SLC27A1: variants seen among roughly 807,000 people sequenced by gnomAD.
SLC27A1 encodes solute carrier family 27 member 1, also known as long-chain fatty acid transport protein 1.
A neutral mutation model predicts 62.2 loss-of-function variants in SLC27A1; 61 were observed. The ratio of observed to expected loss-of-function variants is 0.98; its 90% CI spans 0.80 to 1.21. The LOEUF (loss-of-function observed/expected upper bound fraction) is 1.21. SLC27A1 is among the 50% of genes most tolerant of loss of function. SLC27A1 has a pLI of 0.00. For synonymous variants in SLC27A1, 435 were observed against 408.6 expected (o/e 1.06, Z -0.78); for missense variants, 903 against 932.1 (o/e 0.97, Z 0.41).
At position 17,487,348 on chromosome 19, in the gene SLC27A1, TG is replaced by T. The variant is rs1475250616; in HGVS notation, c.724+16del. 2.5e-6 allele frequency: 4 copies of T among 1,599,664 alleles called. No individual in the cohort carries two copies. The highest frequency in any genetic ancestry group is 3.4e-6 in the Non-Finnish European group (4 of 1,174,264). ...AAGGGCATGGACGGTGAGTCAAGGG[TG>T]GGACCCCTGCTCTATCAACTGGTTT... On this transcript the variant is annotated intron_variant, in intron 3 of 11. Transcript: ENST00000252595.
intron 1 of SLC27A1, among the ~76,000 whole-genome samples, chr19:17,475,919 G>A (rs2075117579): frequency 6.6e-6 from 1 of 152,176 alleles, no homozygotes; most frequent in South Asian, 2.1e-4. Flanking sequence ...CCAAGTACAG[G>A]AATCCACTGC....
chr19:17,480,413 C>T (rs997621778), intron 1 of SLC27A1, among the ~76,000 whole-genome samples: 1 of 151,846 alleles, frequency 6.6e-6, no homozygotes, highest in African/African-American at 2.4e-5. Context: ...CTCTGTCACC[C>T]AGGCTCAATT....
intron 4 of SLC27A1, among the ~76,000 whole-genome samples, chr19:17,487,785 C>T (rs115112111): frequency 2.4e-3 from 359 of 152,258 alleles, no homozygotes; most frequent in African/African-American, 8.4e-3. Flanking sequence ...TCTTGGGACC[C>T]GGTTGCCCTG....
intron 1 of SLC27A1, among the ~76,000 whole-genome samples, chr19:17,476,892 T>TG (rs1459483219): frequency 1.3e-5 from 2 of 149,450 alleles, no homozygotes; most frequent in Admixed American, 6.7e-5. Flanking sequence ...TGTTTTTTTT[T>TG]TTTTTTTTTT....
chr19:17,487,857 A>C, intron 4 of SLC27A1, among the ~76,000 whole-genome samples: 1 of 150,104 alleles, frequency 6.7e-6, no homozygotes, highest in South Asian at 2.1e-4. Context: ...TCCCACCAGC[A>C]AAACCCGTCC....
intron 1 of SLC27A1, among the ~76,000 whole-genome samples, chr19:17,477,236 A>C (rs2075131790): frequency 3.2e-5 from 2 of 62,020 alleles, no homozygotes; most frequent in African/African-American, 5.9e-5. Context: ...ATGGATGAGC[A>C]GCGCTTTTTT....
In SLC27A1 at chr19:17,486,528, A is replaced by C. The variant is rs754931635; in HGVS notation, c.168-35A>C. Reference sequence around the variant, plus strand: ...TCCCAGAGGCCAGGCGGGGCAGGGCACCAGTGACGCTGTCCCCTCCGTCCT... The same window carrying C: ...TCCCAGAGGCCAGGCGGGGCAGGGCCCCAGTGACGCTGTCCCCTCCGTCCT... On this transcript the variant is annotated intron_variant, in intron 1 of 11. Coordinates refer to ENST00000252595, the MANE Select transcript of SLC27A1 (RefSeq NM_198580.3). The surrounding 1 kb of genome is among the most constrained non-coding windows in gnomAD (Gnocchi z 6.6). 589 of 1,534,188 alleles carry C rather than the reference A, an allele frequency of 3.8e-4. 1 individual carries two copies. Among genetic ancestry groups the C allele is most frequent in the Non-Finnish European group, 4.7e-4 (544 of 1,145,866 alleles).
In SLC27A1 at chr19:17,470,525, T is replaced by G. The variant is rs2075063808; in HGVS notation, c.-16T>G. 6.5e-7 allele frequency: 1 copy of G among 1,535,736 alleles called. No homozygotes were observed. The highest frequency in any genetic ancestry group is 1.4e-5 in the African/African-American group (1 of 69,968). On this transcript the variant is annotated 5_prime_UTR_variant, in exon 1 of 12. Transcript: ENST00000252595. ...CTGGAGCGGCCCGCGGCCTCAGCTC[T>G]CTCTGCTTCCCCAGGATGCGGGCTC...
chr19:17,498,533 C>G (rs8109369), intron 7 of SLC27A1: 1 of 160,192 alleles, frequency 6.2e-6, no homozygotes, highest in African/African-American at 2.4e-5. Flanking sequence ...AGGCCAGGCA[C>G]GGTGGCTCAC....
At chr19:17,490,180 C>G (rs2075280847) in intron 6 of SLC27A1, 1 of 152,130 alleles carries the variant, frequency 6.6e-6, no homozygotes, top group South Asian at 2.1e-4. Flanking sequence ...GAGACAGGAT[C>G]TCACTCTGTT....
At chr19:17,485,349 C>T (rs1050004654) in intron 1 of SLC27A1, among the ~76,000 whole-genome samples, 9 of 151,776 alleles carry the variant, frequency 5.9e-5, no homozygotes, top group Admixed American at 5.2e-4. Context: ...ACCATCACGC[C>T]TGGCTAATTT....
intron 11 of SLC27A1, 41 bp from the exon 12 acceptor site, chr19:17,504,413 GC>G: frequency 6.2e-7 from 1 of 1,612,514 alleles, no homozygotes; most frequent in East Asian, 2.2e-5. Flanking sequence ...CCTCCCAGAA[GC>G]CACCTGCTCA....
chr19:17,483,108 G>GGGAAGGAGGGAATGAATGAATGAA (rs1568413409), intron 1 of SLC27A1, among the ~76,000 whole-genome samples: 4 of 151,894 alleles, frequency 2.6e-5, no homozygotes, highest in Non-Finnish European at 5.9e-5. Context: ...GAATGAATGA[G>GGGAAGGAGGGAATGAATGAATGAA]GGAATGAGGG....
Position 17,501,373 on chromosome 19 carries a change from T to G in SLC27A1, c.1737T>G (p.Tyr579Ter). The change falls in exon 11 of 12, where the codon TAT (tyrosine) becomes TAG (stop). Residue 579 changes from tyrosine (Y) to a stop codon, truncating the protein, a stop_gained. Coordinates refer to ENST00000252595, the MANE Select transcript of SLC27A1 (RefSeq NM_198580.3). LOFTEE classifies it low-confidence loss of function (END_TRUNC). ...AGCTGCAGAAGGTGCTGGCACCCTA[T>G]GCCCGGCCCATCTTCCTGCGCCTCC... is the stretch of plus-strand genomic sequence containing the variant. ...YQELQKVLAP[Y>*]ARPIFLRLLP... is the part of the protein sequence containing the mutation. The G allele has an allele frequency of 6.2e-7, 1 of 1,613,914 alleles. No individual in the cohort carries two copies. Among genetic ancestry groups the G allele is most frequent in the Non-Finnish European group, 8.5e-7 (1 of 1,179,948 alleles).
chr19:17,499,954 GGTGAAGCTCTGCA>G (rs1420730412), intron 7 of SLC27A1: 5 of 317,638 alleles, frequency 1.6e-5, no homozygotes, highest in Non-Finnish European at 2.9e-5. Context: ...GCGGGCAGCA[GGTGAAGCTCTGCA>G]GTGTCTGACG....
chr19:17,480,474 G>A (rs1353012169), intron 1 of SLC27A1, among the ~76,000 whole-genome samples: 1 of 149,710 alleles, frequency 6.7e-6, no homozygotes, highest in South Asian at 2.1e-4. Context: ...AGGCCCAAGC[G>A]ATCCTCCTGT....
chr19:17,480,462 C>G (rs1003569908), intron 1 of SLC27A1, among the ~76,000 whole-genome samples: 2 of 151,614 alleles, frequency 1.3e-5, no homozygotes, highest in South Asian at 2.1e-4. Context: ...CCCTGACCTC[C>G]TAGGCCCAAG....
At chr19:17,476,800 G>A (rs927283360) in intron 1 of SLC27A1, among the ~76,000 whole-genome samples, 31 of 151,916 alleles carry the variant, frequency 2.0e-4, no homozygotes, top group African/African-American at 6.5e-4. Flanking sequence ...GGATCTGAGG[G>A]ACCTATTTTG....
intron 4 of SLC27A1, among the ~76,000 whole-genome samples, chr19:17,488,274 G>A (rs1222895061): frequency 1.3e-5 from 2 of 152,192 alleles, no homozygotes; most frequent in African/African-American, 2.4e-5. Flanking sequence ...CAGGAGAATC[G>A]CTTGAACCCA....
Sources: gnomAD v4.1 joint callset for allele counts (sites outside exome capture counted in the v4.1 genomes callset) on GRCh38, gnomAD v4.1.1 for gene constraint, Gnocchi (gnomAD v3.1) non-coding constraint, MANE v1.5 for transcripts, NCBI Gene and HGNC (gene_info 2026-07-23, HGNC 2026-07-21) for gene names.